The following KCNAB1 variants were observed in gnomAD, a reference collection of about 807,000 sequenced individuals.
The protein encoded by KCNAB1 is potassium voltage-gated channel subfamily A regulatory beta subunit 1.
KCNAB1 carries 35 observed loss-of-function variants against 64.6 expected under a neutral mutation model. The observed-to-expected ratio is 0.54, with a 90% CI of 0.41 to 0.72. The LOEUF (loss-of-function observed/expected upper bound fraction) is 0.72. KCNAB1 is among the 30% of genes least tolerant of loss of function. The pLI, the probability that KCNAB1 is intolerant of heterozygous loss-of-function variation, is 0.00. For missense variants in KCNAB1, 401 were observed against 512.9 expected, an observed-to-expected ratio of 0.78 and a Z score of 2.11; for synonymous variants, 177 against 183.8, an observed-to-expected ratio of 0.96 and a Z score of 0.30.
chr3:156,312,876 G>A (rs1217859660), intron 1 of KCNAB1, among the ~76,000 whole-genome samples: 1 of 152,106 alleles, frequency 6.6e-6, no homozygotes, highest in African/African-American at 2.4e-5. Flanking sequence ...CTCAAGGCAG[G>A]GAAGGTGTTA....
intron 1 of KCNAB1, among the ~76,000 whole-genome samples, chr3:156,420,740 T>A: frequency 6.6e-6 from 1 of 152,202 alleles, no homozygotes; most frequent in South Asian, 2.1e-4. Context: ...CTCTGAGAAT[T>A]TGTTTTTTTC....
chr3:156,433,144 C>A (rs1362847423), intron 2 of KCNAB1, among the ~76,000 whole-genome samples: 1 of 152,190 alleles, frequency 6.6e-6, no homozygotes, highest in Admixed American at 6.5e-5. Flanking sequence ...GGAGAAACGA[C>A]ACACAGATGC....
intron 1 of KCNAB1, among the ~76,000 whole-genome samples, chr3:156,132,773 A>G (rs943617502): frequency 7.0e-4 from 106 of 152,318 alleles, no homozygotes; most frequent in African/African-American, 2.5e-3. Context: ...TCTATAATGT[A>G]CCTCCAGGAT....
Position 156,152,634 on chromosome 3 carries a change from CAA to C in KCNAB1, c.275+31749_275+31750del, listed in dbSNP as rs536352735. Among the ~76,000 whole-genome samples the C allele has an allele frequency of 9.2e-5, 14 of 152,344 alleles. No homozygotes were observed. The East Asian group carries it at 2.7e-3, about 29-fold the overall frequency. ...AAGGCAGATGAGATAGAAGCTCTGA[CAA>C]TTGTAGAGTGTGGGTGTAAAATGTG... On this transcript the variant is annotated intron_variant, in intron 1 of 13. Transcript: ENST00000490337.
At chr3:156,193,062 C>T (rs1182231162) in intron 1 of KCNAB1, among the ~76,000 whole-genome samples, 2 of 151,822 alleles carry the variant, frequency 1.3e-5, no homozygotes, top group East Asian at 3.9e-4. Flanking sequence ...TTCTACTTGT[C>T]TTATCTATTC....
chr3:156,240,526 C>A (rs6800772), intron 1 of KCNAB1, among the ~76,000 whole-genome samples: 1 of 152,078 alleles, frequency 6.6e-6, no homozygotes, highest in Non-Finnish European at 1.5e-5. Flanking sequence ...TTCCTTCTAG[C>A]ATTTTATGCT....
intron 12 of KCNAB1, among the ~76,000 whole-genome samples, chr3:156,524,463 C>A (rs1056618712): frequency 6.6e-6 from 1 of 152,074 alleles, no homozygotes; most frequent in Non-Finnish European, 1.5e-5. Context: ...GAAAACCACA[C>A]GCGGCTGGGC....
chr3:156,302,263 C>T (rs1478553868), intron 1 of KCNAB1, among the ~76,000 whole-genome samples: 1 of 152,160 alleles, frequency 6.6e-6, no homozygotes, highest in Non-Finnish European at 1.5e-5. Context: ...AGCAAATCTC[C>T]TCACCTCAGA....
intron 1 of KCNAB1, among the ~76,000 whole-genome samples, chr3:156,134,014 C>T (rs1168056854): frequency 6.6e-6 from 1 of 152,136 alleles, no homozygotes; most frequent in Non-Finnish European, 1.5e-5. Flanking sequence ...CCAATTAAGC[C>T]TCATTCATCT....
At chr3:156,122,841 T>A (rs1234036165) in intron 1 of KCNAB1, among the ~76,000 whole-genome samples, 1 of 152,256 alleles carries the variant, frequency 6.6e-6, no homozygotes, top group Non-Finnish European at 1.5e-5. Flanking sequence ...CAGAGTTCAA[T>A]GTTTGCAATA....
rs1249409467 is a variant in KCNAB1 at position 156,137,552 on chromosome 3, CT to C, written c.275+16680del. On this transcript the variant is annotated intron_variant, in intron 1 of 13. Transcript: ENST00000490337. ...TTTCTTGATGGACTGCAAACTTCCT[CT>C]TTTTTTTTTTTTTGAGACAGAGTTT... Among the ~76,000 whole-genome samples the C allele has an allele frequency of 7.0e-3, 995 of 142,140 alleles. 3 individuals are homozygous for C. The highest frequency in any genetic ancestry group is 0.012 in the African/African-American group (483 of 38,898). The allele number at this position is 142,140 out of a possible 152,430, so 93.2% of individuals were successfully genotyped here.
At chr3:156,392,135 C>T (rs1353665946) in intron 1 of KCNAB1, among the ~76,000 whole-genome samples, 3 of 152,126 alleles carry the variant, frequency 2.0e-5, no homozygotes, top group Non-Finnish European at 4.4e-5. Context: ...TACTCCTGCC[C>T]CTGCCACCAA....
chr3:156,524,514 A>C (rs1055969073), intron 12 of KCNAB1, among the ~76,000 whole-genome samples: 1 of 152,096 alleles, frequency 6.6e-6, no homozygotes, highest in Non-Finnish European at 1.5e-5. Context: ...TTGGGAGGCC[A>C]AGGTGGGCGG....
At chr3:156,382,936 T>C (rs1712280006) in intron 1 of KCNAB1, among the ~76,000 whole-genome samples, 1 of 152,252 alleles carries the variant, frequency 6.6e-6, no homozygotes, top group Non-Finnish European at 1.5e-5. Context: ...AACCATCCTC[T>C]GGTGATTTGT....
chr3:156,406,982 T>A (rs1440301515), intron 1 of KCNAB1, among the ~76,000 whole-genome samples: 2 of 152,160 alleles, frequency 1.3e-5, no homozygotes, highest in Non-Finnish European at 2.9e-5. Context: ...CCACAGAGTA[T>A]CAGTGTTCTT....
chr3:156,303,279 G>A (rs1721278751), intron 1 of KCNAB1, among the ~76,000 whole-genome samples: 1 of 152,056 alleles, frequency 6.6e-6, no homozygotes, highest in Non-Finnish European at 1.5e-5. Context: ...CTCTCTCTTG[G>A]CATGCAAGCA....
chr3:156,295,473 G>T (rs1236346522), intron 1 of KCNAB1, among the ~76,000 whole-genome samples: 1 of 152,096 alleles, frequency 6.6e-6, no homozygotes, highest in Non-Finnish European at 1.5e-5. Context: ...ATGTATACTT[G>T]TGCAAAACCT....
intron 1 of KCNAB1, among the ~76,000 whole-genome samples, chr3:156,170,664 T>C (rs987660630): frequency 1.3e-5 from 2 of 152,198 alleles, no homozygotes; most frequent in African/African-American, 4.8e-5. Context: ...TATAATAATA[T>C]TCAGCCTCTC....
chr3:156,240,583 A>T (rs1448653465), intron 1 of KCNAB1, among the ~76,000 whole-genome samples: 1 of 152,178 alleles, frequency 6.6e-6, no homozygotes, highest in African/African-American at 2.4e-5. Context: ...ATCAATTTAG[A>T]CATAATGTAT....
Sources: allele counts gnomAD v4.1 joint callset (sites outside exome capture counted in the v4.1 genomes callset), GRCh38; gene constraint gnomAD v4.1.1; transcripts MANE v1.5; gene names NCBI Gene and HGNC (gene_info 2026-07-23, HGNC 2026-07-21).